MAD1L1: variants seen among roughly 807,000 people sequenced by gnomAD.
MAD1L1 encodes the protein mitotic spindle assembly checkpoint protein MAD1.
MAD1L1 carries 95 observed loss-of-function variants against 96.9 expected under a neutral mutation model. The observed-to-expected ratio is 0.98, with a 90% CI of 0.83 to 1.16. The LOEUF (loss-of-function observed/expected upper bound fraction) is 1.16, where lower values mean the gene tolerates loss of function less well. Among genes scored for constraint, MAD1L1 ranks in the 50% most tolerant of loss-of-function variants. The probability of loss-of-function intolerance (pLI) is 0.00; values close to 1 mark genes in which losing one functional copy is unlikely to be tolerated. For missense variants in MAD1L1, 1,007 were observed against 954.4 expected (o/e 1.06, Z -0.73); for synonymous variants, 473 against 396.6 (o/e 1.19, Z -2.29).
At chr7:2,225,700 C>T (rs1793857800) in intron 3 of MAD1L1, 150 bp from the exon 4 acceptor site, 1 of 823,086 alleles carries the variant, frequency 1.2e-6, no homozygotes, top group Admixed American at 2.7e-5. Context: ...GGGCTCCAGG[C>T]TGGGGAACAG....
intron 15 of MAD1L1, among the ~76,000 whole-genome samples, chr7:1,965,199 G>C (rs1353130934): frequency 6.6e-6 from 1 of 152,200 alleles, no homozygotes; most frequent in Non-Finnish European, 1.5e-5. Flanking sequence ...AGGACCCCCA[G>C]CCCTGGAGAT....
chr7:1,863,312 T>C (rs1784619912), intron 18 of MAD1L1, among the ~76,000 whole-genome samples: 1 of 152,136 alleles, frequency 6.6e-6, no homozygotes, highest in Non-Finnish European at 1.5e-5. Context: ...AGTTAGGCAC[T>C]GGTGAGGGTC....
At chr7:2,040,714 A>T (rs926441952) in intron 12 of MAD1L1, among the ~76,000 whole-genome samples, 6 of 152,218 alleles carry the variant, frequency 3.9e-5, no homozygotes, top group Non-Finnish European at 8.8e-5. Context: ...AAACCTGGGC[A>T]GCTCCCCGCC....
chr7:2,003,739 A>G (rs1376746889), intron 13 of MAD1L1, among the ~76,000 whole-genome samples: 5 of 152,012 alleles, frequency 3.3e-5, no homozygotes, highest in African/African-American at 4.8e-5. Context: ...CTGCCCTCAC[A>G]CTGCCCTGGG....
intron 11 of MAD1L1, among the ~76,000 whole-genome samples, chr7:2,135,881 C>T (rs1242055246): frequency 1.3e-5 from 2 of 152,180 alleles, no homozygotes; most frequent in Non-Finnish European, 2.9e-5. Flanking sequence ...GCTCTTTTCG[C>T]CATATAACTC....
rs116930813 is a variant in MAD1L1, at chr7:1,947,431, C to T, written c.1596+10198G>A. 9.8e-5 allele frequency among the ~76,000 whole-genome samples: 15 copies of T among 152,370 alleles called. No individual in the cohort carries two copies. The East Asian group carries it at 2.9e-3, about 29-fold the overall frequency. Reference sequence around the variant, plus strand: ...TTATGCATATTTATAGATCGTCCGGCGTCAAAATTCAATCAATACCTCTCC... The same window carrying T: ...TTATGCATATTTATAGATCGTCCGGTGTCAAAATTCAATCAATACCTCTCC... On this transcript the variant is annotated intron_variant, in intron 16 of 18. Transcript: ENST00000265854.
At chr7:2,151,527 C>T (rs982126000) in intron 10 of MAD1L1, among the ~76,000 whole-genome samples, 1 of 152,252 alleles carries the variant, frequency 6.6e-6, no homozygotes, top group Admixed American at 6.5e-5. Flanking sequence ...TGCCTGCCAC[C>T]TCCCTCTGTG....
At chr7:1,827,696 TCCCGG>T (rs1782493328) in intron 18 of MAD1L1, among the ~76,000 whole-genome samples, 1 of 56,718 alleles carries the variant, frequency 1.8e-5, no homozygotes, top group Non-Finnish European at 4.2e-5. Context: ...CCTGAGCCCG[TCCCGG>T]GTGTGGGGGC....
At chr7:2,223,332 G>A (rs986650791) in intron 4 of MAD1L1, among the ~76,000 whole-genome samples, 1 of 152,162 alleles carries the variant, frequency 6.6e-6, no homozygotes, top group African/African-American at 2.4e-5. Context: ...GGGAGGCCGC[G>A]TGGCTCTCAC....
chr7:2,014,444 G>C, intron 13 of MAD1L1, 58 bp downstream of exon 13: 1 of 1,507,072 alleles, frequency 6.6e-7, no homozygotes, highest in Non-Finnish European at 8.9e-7. Flanking sequence ...GCTCTGCCAA[G>C]GCCCACCGGG....
intron 12 of MAD1L1, among the ~76,000 whole-genome samples, chr7:2,053,965 A>T (rs1328152787): frequency 6.6e-6 from 1 of 152,206 alleles, no homozygotes. Flanking sequence ...GTTTCTGATG[A>T]CACACCTGCC....
chr7:2,056,162 T>C (rs1040756288), intron 12 of MAD1L1, among the ~76,000 whole-genome samples: 7 of 152,164 alleles, frequency 4.6e-5, no homozygotes, highest in African/African-American at 1.7e-4. Flanking sequence ...CACAAACCCC[T>C]GGAGGGTCAC....
At position 1,957,617 on chromosome 7, in the gene MAD1L1, C is replaced by G. The variant is rs754345865; in HGVS notation, c.1596+12G>C. On this transcript the variant is annotated intron_variant, in intron 16 of 18. Transcript: ENST00000265854. ...CAGGCAGTGCCTCACCCAGAGGCTG[C>G]CCCGCCCTCACCTGCAGAGCTCGCC... The G allele has an allele frequency of 1.2e-6, 2 of 1,613,166 alleles. No individual in the cohort carries two copies. Among genetic ancestry groups the G allele is most frequent in the Non-Finnish European group, 8.5e-7 (1 of 1,179,756 alleles).
chr7:1,904,984 C>A lies in MAD1L1; in HGVS notation c.1808-6594G>T, dbSNP rs183802683. On this transcript the variant is annotated intron_variant, in intron 17 of 18. Transcript: ENST00000265854. ...CAGGCAGCAAGGACACAGTGGCCTACGGAAGACGCTCTTGAGGAACTCATG... is the reference window on the plus strand; with the variant it reads ...CAGGCAGCAAGGACACAGTGGCCTAAGGAAGACGCTCTTGAGGAACTCATG... 7.9e-5 allele frequency among the ~76,000 whole-genome samples: 6 copies of A among 76,368 alleles called. 2 individuals are homozygous for A. Among genetic ancestry groups the A allele is most frequent in the African/African-American group, 1.6e-4 (3 of 18,820 alleles). The allele number at this position is 76,368 out of a possible 152,430, so 50.1% of individuals were successfully genotyped here. A position where few individuals can be genotyped will look rare whatever the true frequency, so the allele number is the denominator to read the frequency against.
At chr7:2,216,393 A>C in intron 7 of MAD1L1, 106 bp from the exon 8 acceptor site, 1 of 1,142,830 alleles carries the variant, frequency 8.8e-7, no homozygotes, top group African/African-American at 1.5e-5. Flanking sequence ...TGCAACGGCT[A>C]TACACACTGC....
At chr7:1,965,348 T>A (rs938031281) in intron 15 of MAD1L1, among the ~76,000 whole-genome samples, 1 of 152,128 alleles carries the variant, frequency 6.6e-6, no homozygotes, top group African/African-American at 2.4e-5. Context: ...GTGTGACGGG[T>A]GCCCACGCCT....
At chr7:2,016,879 T>C (rs978825896) in intron 12 of MAD1L1, among the ~76,000 whole-genome samples, 5 of 152,272 alleles carry the variant, frequency 3.3e-5, no homozygotes, top group African/African-American at 1.2e-4. Flanking sequence ...AAATCCTATA[T>C]CTTCCCATTG....
intron 18 of MAD1L1, among the ~76,000 whole-genome samples, chr7:1,821,771 G>T (rs1782136196): frequency 6.6e-6 from 1 of 152,180 alleles, no homozygotes; most frequent in Admixed American, 6.5e-5. Context: ...AGGAATCAAG[G>T]GAAAGTCCTC....
chr7:2,191,406 T>C (rs1033644809), intron 10 of MAD1L1, among the ~76,000 whole-genome samples: 1 of 152,212 alleles, frequency 6.6e-6, no homozygotes, highest in Non-Finnish European at 1.5e-5. Flanking sequence ...CTAATGGTCA[T>C]TTAGAGTTTG....
Sources: allele counts gnomAD v4.1 joint callset (sites outside exome capture counted in the v4.1 genomes callset), GRCh38; gene constraint gnomAD v4.1.1; transcripts MANE v1.5; gene names NCBI Gene and HGNC (gene_info 2026-07-23, HGNC 2026-07-21).